Variants in PCDHA5 observed in about 807,000 individuals in gnomAD.
PCDHA5 encodes protocadherin alpha-5.
In PCDHA5, 43 loss-of-function variants were observed where a neutral mutation model predicts 61.6. The ratio of observed to expected loss-of-function variants is 0.70; its 90% CI spans 0.55 to 0.90. PCDHA5 has a LOEUF of 0.90. Among genes scored for constraint, PCDHA5 ranks in the 40% least tolerant of loss-of-function variants. PCDHA5 has a pLI of 0.00. For missense variants in PCDHA5, 1,298 were observed against 1,222.7 expected, an observed-to-expected ratio of 1.06 and a Z score of -0.92; for synonymous variants, 627 against 543.9, an observed-to-expected ratio of 1.15 and a Z score of -2.13.
chr5:140,828,515 A>G, intron 1 of PCDHA5: 3 of 1,614,156 alleles, frequency 1.9e-6, no homozygotes, highest in Non-Finnish European at 2.5e-6. Context: ...AAGAGTGCTG[A>G]TTTACGAATC....
rs2150375246 is a variant in PCDHA5, at chr5:140,844,933, C to T, written c.2352+20806C>T. Among the ~76,000 whole-genome samples the T allele has an allele frequency of 2.7e-5, 4 of 149,222 alleles. 1 individual carries two copies. Among genetic ancestry groups the T allele is most frequent in the Admixed American group, 6.7e-5 (1 of 14,882 alleles). ...GTAGAAATTGATGGAAGGGAATGAA[C>T]GATTTCTGGGACTCTGAATTCTTAC... On this transcript the variant is annotated intron_variant, in intron 1 of 3. Transcript: ENST00000529859.
At chr5:140,922,655 C>G (rs1468761948) in intron 1 of PCDHA5, among the ~76,000 whole-genome samples, 1 of 152,134 alleles carries the variant, frequency 6.6e-6, no homozygotes, top group Non-Finnish European at 1.5e-5. Context: ...GTAAATATGG[C>G]TATACTGCAA....
intron 1 of PCDHA5, among the ~76,000 whole-genome samples, chr5:140,900,073 G>C (rs1490261769): frequency 6.6e-6 from 1 of 152,072 alleles, no homozygotes; most frequent in South Asian, 2.1e-4. Context: ...GCCTCCAAAA[G>C]TGCTGCAGTT....
chr5:140,989,609 T>C (rs782186182), intron 3 of PCDHA5, among the ~76,000 whole-genome samples: 4 of 152,178 alleles, frequency 2.6e-5, no homozygotes, highest in Non-Finnish European at 5.9e-5. Flanking sequence ...AAACTAAAAA[T>C]GAAAGTCTGT....
In PCDHA5 at chr5:140,995,657, A is replaced by C. The variant is rs188298109; in HGVS notation, c.2500+13094A>C. Among the ~76,000 whole-genome samples, 56 of 152,328 alleles carry C rather than the reference A, an allele frequency of 3.7e-4. No homozygotes were observed. The East Asian group carries it at 7.7e-3, about 21-fold the overall frequency. Reference sequence around the variant, plus strand: ...AGTGTTTAGAAAAGGAGAATCGAAAAGGGAAGTAAATGCAGCATTTTTTTT... The same window carrying C: ...AGTGTTTAGAAAAGGAGAATCGAAACGGGAAGTAAATGCAGCATTTTTTTT... On this transcript the variant is annotated intron_variant, in intron 3 of 3. Coordinates refer to ENST00000529859, the MANE Select transcript of PCDHA5 (RefSeq NM_018908.3).
intron 1 of PCDHA5, among the ~76,000 whole-genome samples, chr5:140,960,257 C>T (rs1554224600): frequency 6.6e-6 from 1 of 152,186 alleles, no homozygotes; most frequent in African/African-American, 2.4e-5. Flanking sequence ...CCTGGAGCTT[C>T]TGATAAATTC....
intron 1 of PCDHA5, among the ~76,000 whole-genome samples, chr5:140,970,970 T>C (rs1554232920): frequency 1.3e-5 from 2 of 152,170 alleles, no homozygotes; most frequent in African/African-American, 2.4e-5. Flanking sequence ...GATTGTAGAT[T>C]AAGAAAAATG....
intron 1 of PCDHA5, chr5:140,829,124 G>T: frequency 6.2e-7 from 1 of 1,612,286 alleles, no homozygotes; most frequent in East Asian, 2.2e-5. Flanking sequence ...GGATAAAAAT[G>T]ATAACGTCCC....
chr5:140,983,766 T>C (rs1554245666), intron 3 of PCDHA5, among the ~76,000 whole-genome samples: 2 of 152,206 alleles, frequency 1.3e-5, no homozygotes, highest in African/African-American at 4.8e-5. Flanking sequence ...TTCAAATACA[T>C]ATCTACATAC....
chr5:140,851,796 T>C, intron 1 of PCDHA5: 3 of 954,006 alleles, frequency 3.1e-6, no homozygotes, highest in Non-Finnish European at 3.8e-6. Flanking sequence ...TCACTTGTTC[T>C]GTCAGTAATC....
intron 1 of PCDHA5, among the ~76,000 whole-genome samples, chr5:140,964,434 G>A (rs1332567720): frequency 6.6e-6 from 1 of 152,104 alleles, no homozygotes; most frequent in Non-Finnish European, 1.5e-5. Context: ...AAATTACCAA[G>A]CCTCTGCCAC....
At chr5:140,826,198 T>C (rs1464039359) in intron 1 of PCDHA5, among the ~76,000 whole-genome samples, 1 of 152,222 alleles carries the variant, frequency 6.6e-6, no homozygotes, top group Non-Finnish European at 1.5e-5. Flanking sequence ...TTAACAATGG[T>C]CACATTTTAA....
At chr5:140,850,138 A>T in intron 1 of PCDHA5, 1 of 1,595,694 alleles carries the variant, frequency 6.3e-7, no homozygotes, top group Non-Finnish European at 8.6e-7. Context: ...CTGGGCAGCA[A>T]CGTGACGCTG....
rs139314570 is a variant in PCDHA5, at chr5:140,952,780, A to G, written c.2353-26169A>G. 2.0e-3 allele frequency among the ~76,000 whole-genome samples: 310 copies of G among 152,316 alleles called. 3 individuals are homozygous for G. The highest frequency in any genetic ancestry group is 7.3e-3 in the African/African-American group (302 of 41,572). On this transcript the variant is annotated intron_variant, in intron 1 of 3. Transcript: ENST00000529859. ...CTGAGACTGGATAATTTAGAAAGAA[A>G]AGAGGTTTAACTGGCTCGCAGTTCT... is the stretch of plus-strand genomic sequence containing the variant.
rs2150120481 is a variant in PCDHA5 at position 140,822,930 on chromosome 5, C to G, written c.1155C>G (p.Thr385=). ...ACTCAGGTGCCAACGGGCAGGTGAC[C>G]TGCTCCCTAATGCCCCACGTTCCCT... ...DRDSGANGQV[T]CSLMPHVPFK... Residue 385 remains threonine (T), a synonymous_variant, in exon 1 of 4, where the codon ACC becomes ACG. Coordinates refer to ENST00000529859, the MANE Select transcript of PCDHA5 (RefSeq NM_018908.3). 6.8e-6 allele frequency: 11 copies of G among 1,614,266 alleles called. No homozygotes were observed. The highest frequency in any genetic ancestry group is 8.5e-6 in the Non-Finnish European group (10 of 1,180,044).
At chr5:140,828,998 G>A (rs2150161774) in intron 1 of PCDHA5, 7 of 1,613,996 alleles carry the variant, frequency 4.3e-6, no homozygotes, top group South Asian at 3.3e-5. Context: ...GGGAGAAATA[G>A]TGATTCGGGG....
intron 1 of PCDHA5, chr5:140,852,261 A>G: frequency 2.0e-6 from 1 of 506,240 alleles, no homozygotes; most frequent in Non-Finnish European, 2.6e-6. Flanking sequence ...GGAATATGCT[A>G]CAATATTACA....
chr5:140,884,305 G>C, intron 1 of PCDHA5: 1 of 1,613,720 alleles, frequency 6.2e-7, no homozygotes, highest in African/African-American at 1.3e-5. Flanking sequence ...CACAGGCTTC[G>C]TCGAGGGCGT....
intron 1 of PCDHA5, chr5:140,929,360 C>T (rs781864515): frequency 6.6e-7 from 1 of 1,519,748 alleles, no homozygotes; most frequent in Admixed American, 2.2e-5. Context: ...TTCCTTTGGC[C>T]CGGAGATGGC....
Sources: gnomAD v4.1 joint callset for allele counts (sites outside exome capture counted in the v4.1 genomes callset) on GRCh38, gnomAD v4.1.1 for gene constraint, MANE v1.5 for transcripts, NCBI Gene and HGNC (gene_info 2026-07-23, HGNC 2026-07-21) for gene names.